The following LOC400499 variants were observed in gnomAD, a reference collection of about 807,000 sequenced individuals.
the LOC400499 span, among the ~76,000 whole-genome samples, chr16:11,405,058 G>A: frequency 6.6e-6 from 1 of 152,316 alleles, no homozygotes; most frequent in South Asian, 2.1e-4. Flanking sequence ...TAAAGGAGAG[G>A]AGTAGGTGAG....
At chr16:11,491,566 AG>A in the LOC400499 span, 1 of 261,594 alleles carries the variant, frequency 3.8e-6, no homozygotes, top group Non-Finnish European at 6.8e-6. Context: ...GTAGAGAAAC[AG>A]GGGAACAAGA....
the LOC400499 span, among the ~76,000 whole-genome samples, chr16:11,422,266 G>A: frequency 0.011 from 1,666 of 152,268 alleles, 32 homozygotes; most frequent in African/African-American, 0.034. Context: ...GCTGGGCGTG[G>A]TGGTGGGCAC....
the LOC400499 span, chr16:11,450,886 G>C: frequency 1.2e-4 from 159 of 1,364,260 alleles, no homozygotes; most frequent in African/African-American, 1.8e-3. Flanking sequence ...CAGGCAGCTG[G>C]AGGTCCCGAG....
chr16:11,462,462 C>T, the LOC400499 span: 1 of 983,026 alleles, frequency 1.0e-6, no homozygotes, highest in Non-Finnish European at 1.2e-6. Context: ...CAGAGTCTCA[C>T]TTTGTCTCCC....
the LOC400499 span, chr16:11,384,830 G>T: frequency 8.2e-7 from 1 of 1,223,770 alleles, no homozygotes; most frequent in Non-Finnish European, 1.0e-6. Flanking sequence ...AGCTTAAAGG[G>T]GTGCATCCCA....
chr16:11,456,823 G>C, the LOC400499 span: 10 of 1,535,044 alleles, frequency 6.5e-6, no homozygotes, highest in East Asian at 2.4e-4. Context: ...AGAAACCTGA[G>C]CTGCTAGCCA....
the LOC400499 span, chr16:11,398,562 T>C: frequency 2.3e-4 from 280 of 1,215,984 alleles, no homozygotes; most frequent in Non-Finnish European, 2.8e-4. Context: ...AGAATGCCCA[T>C]GGCCAGCTGC....
chr16:11,417,029 G>C, the LOC400499 span, among the ~76,000 whole-genome samples: 1 of 152,164 alleles, frequency 6.6e-6, no homozygotes, highest in African/African-American at 2.4e-5. Flanking sequence ...TAAGTGCTCA[G>C]CCAGTGCTGG....
At chr16:11,496,311 C>T in the LOC400499 span, among the ~76,000 whole-genome samples, 1 of 152,168 alleles carries the variant, frequency 6.6e-6, no homozygotes, top group Non-Finnish European at 1.5e-5. Flanking sequence ...AGGTGATCTG[C>T]CCACCTCAGC....
chr16:11,522,602 GC>G, the LOC400499 span, among the ~76,000 whole-genome samples: 60 of 152,336 alleles, frequency 3.9e-4, no homozygotes, highest in African/African-American at 1.4e-3. Context: ...ACTCAGTTAA[GC>G]TTCATAACCA....
At chr16:11,415,850 C>T in the LOC400499 span, among the ~76,000 whole-genome samples, 1 of 152,134 alleles carries the variant, frequency 6.6e-6, no homozygotes, top group South Asian at 2.1e-4. Flanking sequence ...CTAACAAACC[C>T]TGAGGTCAAC....
the LOC400499 span, chr16:11,457,139 T>G: frequency 8.7e-7 from 1 of 1,148,954 alleles, no homozygotes; most frequent in Non-Finnish European, 1.2e-6. Flanking sequence ...AAGATTGCAC[T>G]ACTGCACTCC....
At chr16:11,485,178 C>G in the LOC400499 span, 207,119 of 397,474 alleles carry the variant, frequency 0.52, 57,582 homozygotes, top group African/African-American at 0.84. Flanking sequence ...GGCTTGAGCA[C>G]GGCACTCCAG....
chr16:11,485,451 T>C, the LOC400499 span, among the ~76,000 whole-genome samples: 1 of 152,254 alleles, frequency 6.6e-6, no homozygotes, highest in Non-Finnish European at 1.5e-5. Flanking sequence ...AGGGCTCGTG[T>C]ATCAATCACT....
the LOC400499 span, among the ~76,000 whole-genome samples, chr16:11,434,924 G>A: frequency 1.3e-5 from 2 of 152,178 alleles, no homozygotes; most frequent in Non-Finnish European, 2.9e-5. Context: ...AGACGGAGAC[G>A]CACATTCCTT....
chr16:11,452,213 T>G, the LOC400499 span, among the ~76,000 whole-genome samples: 5 of 151,604 alleles, frequency 3.3e-5, no homozygotes, highest in Non-Finnish European at 5.9e-5. Context: ...TTGTTTTTTT[T>G]TTTTTTTTGC....
chr16:11,462,840 G>C, the LOC400499 span, among the ~76,000 whole-genome samples: 1 of 152,134 alleles, frequency 6.6e-6, no homozygotes, highest in African/African-American at 2.4e-5. Flanking sequence ...CAGTCCATCA[G>C]GAACTTGAGT....
the LOC400499 span, among the ~76,000 whole-genome samples, chr16:11,490,437 C>T: frequency 1.7e-4 from 26 of 148,784 alleles, no homozygotes; most frequent in East Asian, 4.3e-3. Context: ...CAGTGGCTCA[C>T]ACCTGTAATC....
the LOC400499 span, chr16:11,471,597 G>C: frequency 2.5e-6 from 1 of 398,936 alleles, no homozygotes; most frequent in South Asian, 1.3e-4. Context: ...GCCCAGGGCT[G>C]ACCTAAGGAG....
Sources: allele counts gnomAD v4.1 joint callset (sites outside exome capture counted in the v4.1 genomes callset), GRCh38; gene constraint gnomAD v4.1.1; transcripts MANE v1.5.